SNTG1: variants seen among roughly 807,000 people sequenced by gnomAD.
SNTG1 encodes syntrophin gamma 1, also known as gamma-1-syntrophin.
Under a neutral mutation model 74.7 loss-of-function variants are expected in SNTG1, and 39 were observed. That is an observed-to-expected ratio of 0.52 (90% CI 0.40 to 0.68). The LOEUF (loss-of-function observed/expected upper bound fraction) is 0.68. SNTG1 is among the 30% of genes least tolerant of loss of function. SNTG1 has a pLI of 0.00. For synonymous variants in SNTG1, 254 were observed against 217.1 expected (o/e 1.17, Z -1.49); for missense variants, 685 against 609.5 (o/e 1.12, Z -1.30).
chr8:50,305,944 G>A (rs1226158252), intron 2 of SNTG1, among the ~76,000 whole-genome samples: 1 of 150,862 alleles, frequency 6.6e-6, no homozygotes, highest in Non-Finnish European at 1.5e-5. Context: ...GGGGTACAAA[G>A]GGTTTTCGGT....
intron 8 of SNTG1, among the ~76,000 whole-genome samples, chr8:50,456,365 G>A (rs2093505248): frequency 6.6e-6 from 1 of 151,942 alleles, no homozygotes; most frequent in Non-Finnish European, 1.5e-5. Flanking sequence ...CTTGTAACTG[G>A]GTACCTTATA....
chr8:50,208,342 G>T lies in SNTG1; in HGVS notation c.-28+35707G>T, dbSNP rs10101745. Among the ~76,000 whole-genome samples, 1,233 of 152,174 alleles carry T rather than the reference G, an allele frequency of 8.1e-3. 19 individuals carry two copies. The highest frequency in any genetic ancestry group is 0.029 in the African/African-American group (1,184 of 41,528). Reference sequence around the variant, plus strand: ...GCCTTCTTTGTCTCTTTTGATCTTTGTTGGTTTAAAGTCTGTTTTATCAGA... The same window carrying T: ...GCCTTCTTTGTCTCTTTTGATCTTTTTTGGTTTAAAGTCTGTTTTATCAGA... On this transcript the variant is annotated intron_variant, in intron 2 of 18. Coordinates refer to ENST00000642720, the MANE Select transcript of SNTG1 (RefSeq NM_018967.5).
At chr8:50,326,780 A>G (rs968783549) in intron 2 of SNTG1, among the ~76,000 whole-genome samples, 1 of 151,858 alleles carries the variant, frequency 6.6e-6, no homozygotes, top group African/African-American at 2.4e-5. Flanking sequence ...GTGGATACTA[A>G]TATTATTGAT....
intron 9 of SNTG1, among the ~76,000 whole-genome samples, chr8:50,509,408 T>G (rs2094043387): frequency 6.6e-6 from 1 of 152,204 alleles, no homozygotes; most frequent in Admixed American, 6.5e-5. Context: ...GACTCTTTTT[T>G]GGTTCCACAT....
In SNTG1 at chr8:49,978,450, T is replaced by A. The variant is rs16914133; in HGVS notation, c.-103+66219T>A. On this transcript the variant is annotated intron_variant, in intron 1 of 18. Coordinates refer to ENST00000642720, the MANE Select transcript of SNTG1 (RefSeq NM_018967.5). ...GGACTATACTTAACAGAGAAATGTC[T>A]TGCTGTTGTGCAGGCTTCCTCAATC... Among the ~76,000 whole-genome samples the A allele has an allele frequency of 5.3e-3, 813 of 152,340 alleles. 11 individuals are homozygous for A. Among genetic ancestry groups the A allele is most frequent in the African/African-American group, 0.019 (771 of 41,580 alleles).
chr8:50,438,294 G>T (rs538764151), intron 4 of SNTG1, among the ~76,000 whole-genome samples: 155 of 152,250 alleles, frequency 1.0e-3, no homozygotes, highest in South Asian at 6.2e-3. Context: ...TCATTGAGAA[G>T]AACTTATTTT....
At chr8:50,566,988 G>A (rs1438138069) in intron 12 of SNTG1, among the ~76,000 whole-genome samples, 1 of 151,988 alleles carries the variant, frequency 6.6e-6, no homozygotes, top group East Asian at 1.9e-4. Context: ...ATTAAATGAT[G>A]TAATCCATAA....
intron 13 of SNTG1, among the ~76,000 whole-genome samples, chr8:50,592,363 C>A (rs1341472223): frequency 2.6e-5 from 4 of 152,098 alleles, no homozygotes; most frequent in African/African-American, 7.2e-5. Context: ...CCCTCTCATG[C>A]CCTTTCTAAA....
intron 2 of SNTG1, among the ~76,000 whole-genome samples, chr8:50,375,746 G>A (rs2092365349): frequency 6.6e-6 from 1 of 152,074 alleles, no homozygotes; most frequent in South Asian, 2.1e-4. Context: ...GGTTGGAATT[G>A]ACCCCCATAA....
chr8:50,644,373 T>A (rs1185534331), intron 13 of SNTG1: 2 of 152,286 alleles, frequency 1.3e-5, no homozygotes, highest in African/African-American at 2.4e-5. Context: ...CTCCTCTTCC[T>A]CTTCCTCCTT....
chr8:50,243,338 A>G (rs914395687), intron 2 of SNTG1, among the ~76,000 whole-genome samples: 7 of 152,148 alleles, frequency 4.6e-5, no homozygotes, highest in Non-Finnish European at 8.8e-5. Flanking sequence ...GGTTTTCTGA[A>G]TTTATAGATA....
intron 9 of SNTG1, among the ~76,000 whole-genome samples, chr8:50,514,306 T>G (rs547396511): frequency 6.6e-6 from 1 of 152,276 alleles, no homozygotes; most frequent in East Asian, 1.9e-4. Context: ...TGGTTGCTGA[T>G]TTGAGGTTTT....
At chr8:49,985,742 G>A (rs1671870008) in intron 1 of SNTG1, among the ~76,000 whole-genome samples, 2 of 152,042 alleles carry the variant, frequency 1.3e-5, no homozygotes, top group South Asian at 4.2e-4. Context: ...CAGTTATTTG[G>A]TGGCATATTC....
At chr8:50,733,143 C>T (rs2095517094) in intron 17 of SNTG1, among the ~76,000 whole-genome samples, 1 of 151,878 alleles carries the variant, frequency 6.6e-6, no homozygotes, top group African/African-American at 2.4e-5. Context: ...TTATTTTATG[C>T]TCAATGTTTA....
chr8:50,381,596 A>ATATATATATCTCCTATTAGT, intron 2 of SNTG1, among the ~76,000 whole-genome samples: 1 of 127,028 alleles, frequency 7.9e-6, no homozygotes, highest in South Asian at 2.5e-4. Flanking sequence ...GTGTGTGTAT[A>ATATATATATCTCCTATTAGT]TATATATATA....
chr8:50,408,852 T>C (rs1384462849), intron 4 of SNTG1, among the ~76,000 whole-genome samples: 1 of 152,138 alleles, frequency 6.6e-6, no homozygotes, highest in Admixed American at 6.6e-5. Flanking sequence ...GGGCAGCCTC[T>C]GTGAGAGGGC....
chr8:50,575,353 C>T (rs1023811802), intron 12 of SNTG1, among the ~76,000 whole-genome samples: 3 of 152,188 alleles, frequency 2.0e-5, no homozygotes, highest in Admixed American at 1.3e-4. Context: ...CAAGGCCAAA[C>T]ACACCTACTT....
At chr8:49,954,748 T>C (rs73677822) in intron 1 of SNTG1, among the ~76,000 whole-genome samples, 1,654 of 152,268 alleles carry the variant, frequency 0.011, 31 homozygotes, top group African/African-American at 0.037. Context: ...TAATGTTTCC[T>C]ATTTCTTTTT....
At chr8:50,708,034 C>G (rs2095449593) in intron 16 of SNTG1, 1 of 275,886 alleles carries the variant, frequency 3.6e-6, no homozygotes, top group South Asian at 1.7e-4. Flanking sequence ...AACCCCGTCT[C>G]TACTAAAAAT....
Sources: allele counts gnomAD v4.1 joint callset (sites outside exome capture counted in the v4.1 genomes callset), GRCh38; gene constraint gnomAD v4.1.1; transcripts MANE v1.5; gene names NCBI Gene and HGNC (gene_info 2026-07-23, HGNC 2026-07-21).